Variants in ITGAV observed in about 807,000 individuals in gnomAD.
ITGAV encodes the protein integrin alpha-V.
A neutral mutation model predicts 143.8 loss-of-function variants in ITGAV; 76 were observed. That is an observed-to-expected ratio of 0.53 (90% CI 0.44 to 0.64). ITGAV has a LOEUF of 0.64. Among genes scored for constraint, ITGAV ranks in the 30% least tolerant of loss-of-function variants. The pLI, the probability that ITGAV is intolerant of heterozygous loss-of-function variation, is 0.00. For missense variants in ITGAV, 1,193 were observed against 1,274.7 expected, an observed-to-expected ratio of 0.94 and a Z score of 0.98; for synonymous variants, 453 against 446.7, an observed-to-expected ratio of 1.01 and a Z score of -0.18.
intron 29 of ITGAV, 63 bp from the exon 30 acceptor site, chr2:186,677,133 CA>C: frequency 1.4e-6 from 2 of 1,450,850 alleles, no homozygotes; most frequent in Non-Finnish European, 1.9e-6. Context: ...TATAGTCACC[CA>C]AAAAATACTT....
At position 186,590,304 on chromosome 2, in the gene ITGAV, C is replaced by G. The variant is rs1026786244; in HGVS notation, c.-35C>G. On this transcript the variant is annotated 5_prime_UTR_variant, in exon 1 of 30. Coordinates refer to ENST00000261023, the MANE Select transcript of ITGAV (RefSeq NM_002210.5). ...CGCTGGGGCGGGGGGAGGTGGCTAC[C>G]GCTCCCGGCTTGGCGTCCCGCGCGC... 2.0e-6 allele frequency: 3 copies of G among 1,504,488 alleles called. No homozygotes were observed. The highest frequency in any genetic ancestry group is 2.7e-6 in the Non-Finnish European group (3 of 1,129,050). 93.2% of individuals were successfully genotyped at this position (1,504,488 alleles called of 1,614,324 possible).
At position 186,674,313 on chromosome 2, in the gene ITGAV, T is replaced by G. The variant is rs192867052; in HGVS notation, c.2707-1291T>G. ...TAAAGGAAGTTGTTTTCTTAATTTCTTTTTTGGATTTCTTATTGATAGTAT... is the reference window on the plus strand; with the variant it reads ...TAAAGGAAGTTGTTTTCTTAATTTCGTTTTTGGATTTCTTATTGATAGTAT... On this transcript the variant is annotated intron_variant, in intron 26 of 29. Coordinates refer to ENST00000261023, the MANE Select transcript of ITGAV (RefSeq NM_002210.5). 1.1e-3 allele frequency among the ~76,000 whole-genome samples: 175 copies of G among 152,268 alleles called. 2 individuals are homozygous for G. The highest frequency in any genetic ancestry group is 1.5e-5 in the Non-Finnish European group (1 of 68,022).
At chr2:186,636,019 A>C (rs1687937473) in intron 6 of ITGAV, 63 bp from the exon 7 acceptor site, 1 of 1,411,860 alleles carries the variant, frequency 7.1e-7, no homozygotes, top group African/African-American at 1.4e-5. Context: ...GGTACCATAC[A>C]TTATCTGTAT....
chr2:186,655,626 A>T (rs1559061994), intron 16 of ITGAV, among the ~76,000 whole-genome samples: 1 of 152,300 alleles, frequency 6.6e-6, no homozygotes, highest in African/African-American at 2.4e-5. Context: ...AAAGATTTGC[A>T]CTCTCTTAAA....
rs776240059 is a variant in ITGAV, at chr2:186,646,777, A to T, written c.1251A>T (p.Pro417=). ...GATCAACAGGCTTGAACGCAGTCCCATCTCAAATCCTTGAAGGGCAGTGGG... is the reference window on the plus strand; with the variant it reads ...GATCAACAGGCTTGAACGCAGTCCCTTCTCAAATCCTTGAAGGGCAGTGGG... ...NGRSTGLNAV[P]SQILEGQWAA... The change falls in exon 13 of 30, where the codon CCA becomes CCT. Residue 417 remains proline (P), a synonymous_variant. Coordinates refer to ENST00000261023, the MANE Select transcript of ITGAV (RefSeq NM_002210.5). 1.2e-6 allele frequency: 2 copies of T among 1,613,472 alleles called. No individual in the cohort carries two copies. The highest frequency in any genetic ancestry group is 3.3e-5 in the Admixed American group (2 of 59,978).
chr2:186,601,158 CAAAG>C lies in ITGAV; in HGVS notation c.186-859_186-856del, dbSNP rs369916277. 1.4e-4 allele frequency among the ~76,000 whole-genome samples: 22 copies of C among 151,984 alleles called. 1 individual carries two copies. The East Asian group carries it at 2.5e-3, about 17-fold the overall frequency. ...TCTTTGGTTTATTTTACCTTAATGA[CAAAG>C]AAATTGAATAGTGGTCCTAATCTTT... On this transcript the variant is annotated intron_variant, in intron 1 of 29. Coordinates refer to ENST00000261023, the MANE Select transcript of ITGAV (RefSeq NM_002210.5).
At chr2:186,660,912 G>T (rs545602435) in intron 18 of ITGAV, among the ~76,000 whole-genome samples, 26 of 152,256 alleles carry the variant, frequency 1.7e-4, no homozygotes, top group African/African-American at 6.3e-4. Context: ...TTGTGTGTGT[G>T]TCTGTGTCCT....
At chr2:186,648,742 C>T (rs566384048) in intron 13 of ITGAV, among the ~76,000 whole-genome samples, 2 of 152,138 alleles carry the variant, frequency 1.3e-5, no homozygotes, top group Non-Finnish European at 2.9e-5. Flanking sequence ...ATCTGCCTGC[C>T]TCAACCTCCC....
intron 17 of ITGAV, 66 bp from the exon 18 acceptor site, chr2:186,658,972 A>C: frequency 1.6e-6 from 2 of 1,241,298 alleles, no homozygotes; most frequent in Non-Finnish European, 2.3e-6. Flanking sequence ...TGTAATGTGC[A>C]CTTATGGATT....
chr2:186,676,718 T>C, intron 28 of ITGAV, 95 bp from the exon 29 acceptor site: 1 of 1,300,596 alleles, frequency 7.7e-7, no homozygotes, highest in South Asian at 1.6e-5. Context: ...GAATATACTG[T>C]GAATTCCATT....
chr2:186,675,030 T>C (rs1034710397), intron 26 of ITGAV, among the ~76,000 whole-genome samples: 4 of 152,206 alleles, frequency 2.6e-5, no homozygotes, highest in African/African-American at 7.2e-5. Flanking sequence ...AACATTGTCA[T>C]GAGGTGTATA....
intron 13 of ITGAV, 42 bp downstream of exon 13, chr2:186,646,919 C>T (rs756988214): frequency 3.0e-5 from 39 of 1,297,652 alleles, no homozygotes; most frequent in Non-Finnish European, 4.0e-5. Flanking sequence ...ATTTTTCAGT[C>T]CTAATAGCAA....
At position 186,654,669 on chromosome 2, in the gene ITGAV, T is replaced by C; in HGVS notation, c.1525T>C (p.Leu509=). ...KVSCFNVRFC[L]KADGKGVLPR... is the part of the protein sequence containing the mutation. The stretch of plus-strand genomic sequence containing the variant: ...CCACAGTTTTAATGTTAGGTTCTGC[T>C]TAAAGGCAGATGGCAAAGGAGTACT... Residue 509 remains leucine (L), a synonymous_variant, in exon 16 of 30, where the codon TTA becomes CTA. Transcript: ENST00000261023. 2 of 1,554,632 alleles carry C rather than the reference T, an allele frequency of 1.3e-6. No individual in the cohort carries two copies. Among genetic ancestry groups the C allele is most frequent in the South Asian group, 2.3e-5 (2 of 86,932 alleles).
chr2:186,608,940 G>T (rs1399061313), intron 2 of ITGAV, among the ~76,000 whole-genome samples: 6 of 152,170 alleles, frequency 3.9e-5, no homozygotes. Context: ...TGCTATTGCT[G>T]AATGTGGAGT....
Position 186,656,303 on chromosome 2 carries a change from G to T in ITGAV, c.1621G>T (p.Ala541Ser). ...CAAGCAAAAGGGAGCAATTCGACGA[G>T]CACTGTTTCTCTACAGCAGGTCCCC... is the stretch of plus-strand genomic sequence containing the variant. Reference protein sequence around the residue: ...KLKQKGAIRRALFLYSRSPSH... With the variant: ...KLKQKGAIRRSLFLYSRSPSH... Residue 541 changes from alanine to serine, a missense_variant, in exon 17 of 30, where the codon GCA becomes TCA. Transcript: ENST00000261023. The T allele has an allele frequency of 1.3e-6, 2 of 1,587,528 alleles. No homozygotes were observed. Among genetic ancestry groups the T allele is most frequent in the Non-Finnish European group, 1.7e-6 (2 of 1,170,498 alleles).
intron 29 of ITGAV, 107 bp downstream of exon 29, chr2:186,677,042 T>C: frequency 8.2e-7 from 1 of 1,226,154 alleles, no homozygotes; most frequent in Non-Finnish European, 1.2e-6. Context: ...GGGACTGTAA[T>C]GATGATACTT....
chr2:186,626,633 A>G (rs937652196), intron 4 of ITGAV, among the ~76,000 whole-genome samples: 1 of 152,228 alleles, frequency 6.6e-6, no homozygotes, highest in Non-Finnish European at 1.5e-5. Flanking sequence ...ACCTACAGGA[A>G]ACTGCAGATT....
chr2:186,622,019 A>T (rs1574472534), intron 2 of ITGAV, among the ~76,000 whole-genome samples: 1 of 152,138 alleles, frequency 6.6e-6, no homozygotes, highest in East Asian at 1.9e-4. Context: ...GGAATAGGCG[A>T]TCATACGTAT....
chr2:186,597,083 T>G (rs1686767564), intron 1 of ITGAV, among the ~76,000 whole-genome samples: 1 of 152,212 alleles, frequency 6.6e-6, no homozygotes, highest in Admixed American at 6.5e-5. Context: ...ATTACCATCA[T>G]TTCATGCCTA....
Sources: gnomAD v4.1 joint callset for allele counts (sites outside exome capture counted in the v4.1 genomes callset) on GRCh38, gnomAD v4.1.1 for gene constraint, MANE v1.5 for transcripts, NCBI Gene and HGNC (gene_info 2026-07-23, HGNC 2026-07-21) for gene names.